The following PRP4K variants were observed in gnomAD, a reference collection of about 807,000 sequenced individuals.
The protein encoded by PRP4K is pre-mRNA processing factor kinase PRP4K.
the PRP4K span, chr6:4,048,873 A>G: frequency 1.5e-4 from 80 of 538,496 alleles, no homozygotes; most frequent in East Asian, 2.4e-3. Flanking sequence ...TTGGATTTAC[A>G]TAAGTGATAG....
At chr6:4,035,539 A>C in the PRP4K span, among the ~76,000 whole-genome samples, 1 of 152,066 alleles carries the variant, frequency 6.6e-6, no homozygotes, top group Non-Finnish European at 1.5e-5. Context: ...TCAAGAAGTA[A>C]GCACTACCAA....
At chr6:4,056,593 G>A in the PRP4K span, 6 of 1,591,822 alleles carry the variant, frequency 3.8e-6, no homozygotes, top group South Asian at 5.5e-5. Flanking sequence ...GTGGAATGAA[G>A]GTAGTTGTGA....
At chr6:4,037,514 T>A in the PRP4K span, 2 of 1,614,010 alleles carry the variant, frequency 1.2e-6, no homozygotes, top group Non-Finnish European at 1.7e-6. Flanking sequence ...GGAGGTCTCG[T>A]TCCCCACTCA....
At chr6:4,061,306 CTGTT>C in the PRP4K span, 1 of 152,748 alleles carries the variant, frequency 6.5e-6, no homozygotes, top group South Asian at 2.1e-4. Flanking sequence ...GTTACAATTT[CTGTT>C]TGTTCATCAC....
At chr6:4,040,741 A>T in the PRP4K span, 240 of 1,600,748 alleles carry the variant, frequency 1.5e-4, 4 homozygotes, top group South Asian at 2.6e-3. Flanking sequence ...CATTTAAAAA[A>T]ATGTATACCT....
At chr6:4,058,824 T>C in the PRP4K span, 1 of 1,575,920 alleles carries the variant, frequency 6.3e-7, no homozygotes. Context: ...GGTAAGTGTT[T>C]TAAATGCAGC....
the PRP4K span, among the ~76,000 whole-genome samples, chr6:4,035,095 A>G: frequency 2.6e-5 from 4 of 151,244 alleles, no homozygotes; most frequent in Non-Finnish European, 4.4e-5. Context: ...ATATACACAT[A>G]TATGTGTGTT....
the PRP4K span, chr6:4,032,801 T>C: frequency 7.0e-7 from 1 of 1,433,242 alleles, no homozygotes; most frequent in Non-Finnish European, 9.1e-7. Context: ...GTGCATGAGA[T>C]TTTAAACGGA....
chr6:4,039,307 G>C, the PRP4K span, among the ~76,000 whole-genome samples: 2 of 152,212 alleles, frequency 1.3e-5, no homozygotes, highest in African/African-American at 4.8e-5. Context: ...GACTGTAGAT[G>C]TATTTTCTTG....
chr6:4,050,392 G>A, the PRP4K span: 2 of 608,312 alleles, frequency 3.3e-6, no homozygotes, highest in East Asian at 3.5e-5. Context: ...GGAACAACAG[G>A]CTGATTATTT....
the PRP4K span, chr6:4,021,527 C>T: frequency 6.4e-7 from 1 of 1,553,014 alleles, no homozygotes; most frequent in East Asian, 2.4e-5. Flanking sequence ...GTGGGAGCTG[C>T]ACGGGGTGGC....
At chr6:4,051,689 A>G in the PRP4K span, among the ~76,000 whole-genome samples, 3 of 152,168 alleles carry the variant, frequency 2.0e-5, no homozygotes, top group Non-Finnish European at 4.4e-5. Context: ...TCAAAATAAG[A>G]TGGGTTTGTT....
chr6:4,029,273 T>G, the PRP4K span, among the ~76,000 whole-genome samples: 37 of 151,836 alleles, frequency 2.4e-4, no homozygotes, highest in African/African-American at 8.2e-4. Flanking sequence ...CTTCTTTCTC[T>G]ATTTGAAATG....
the PRP4K span, among the ~76,000 whole-genome samples, chr6:4,022,865 A>C: frequency 3.9e-5 from 6 of 152,162 alleles, no homozygotes; most frequent in Non-Finnish European, 1.5e-5. Flanking sequence ...CTAATCTGAA[A>C]AGTTCTGTAA....
the PRP4K span, among the ~76,000 whole-genome samples, chr6:4,039,071 T>G: frequency 6.6e-6 from 1 of 152,298 alleles, no homozygotes; most frequent in East Asian, 1.9e-4. Context: ...TTGTTCTTTA[T>G]AGTTTTCTTT....
chr6:4,061,014 G>GGT, the PRP4K span: 2 of 229,420 alleles, frequency 8.7e-6, no homozygotes, highest in African/African-American at 2.3e-5. Context: ...CGTTTTCCTA[G>GGT]GTGTGTGTGT....
chr6:4,049,949 T>G, the PRP4K span: 1 of 1,495,682 alleles, frequency 6.7e-7, no homozygotes, highest in Non-Finnish European at 9.0e-7. Context: ...TTTTAAACTA[T>G]TTTTTTAAAG....
chr6:4,046,546 G>A, the PRP4K span, among the ~76,000 whole-genome samples: 1 of 152,134 alleles, frequency 6.6e-6, no homozygotes, highest in South Asian at 2.1e-4. Context: ...TGGGATTTAA[G>A]GTGCAAATAA....
At chr6:4,026,138 A>G in the PRP4K span, among the ~76,000 whole-genome samples, 3 of 151,952 alleles carry the variant, frequency 2.0e-5, no homozygotes, top group Non-Finnish European at 4.4e-5. Flanking sequence ...AGTAGCTGGG[A>G]TTACAGGCAT....
Sources: allele counts gnomAD v4.1 joint callset (sites outside exome capture counted in the v4.1 genomes callset), GRCh38; gene constraint gnomAD v4.1.1; transcripts MANE v1.5; gene names NCBI Gene and HGNC (gene_info 2026-07-23, HGNC 2026-07-21).